The following TLE7 variants were observed in gnomAD, a reference collection of about 807,000 sequenced individuals.
TLE7 encodes transducin-like enhancer protein 7.
At chr16:71,439,943 AG>A (rs960095675) in intron 1 of TLE7, among the ~76,000 whole-genome samples, 23 of 152,246 alleles carry the variant, frequency 1.5e-4, no homozygotes, top group African/African-American at 4.1e-4. Flanking sequence ...GTAGCCAAAA[AG>A]AAACAACCCA....
intron 1 of TLE7, among the ~76,000 whole-genome samples, chr16:71,439,662 G>A (rs915933834): frequency 6.6e-6 from 1 of 152,210 alleles, no homozygotes; most frequent in Non-Finnish European, 1.5e-5. Flanking sequence ...AAAGCCACAT[G>A]TAATAGATCA....
At chr16:71,437,386 G>GGAGA (rs148458762) in intron 1 of TLE7, among the ~76,000 whole-genome samples, 9 of 148,674 alleles carry the variant, frequency 6.1e-5, no homozygotes, top group Admixed American at 4.0e-4. Flanking sequence ...AAGGGAGGGA[G>GGAGA]GAGAGAGAGA....
At chr16:71,435,729 G>C (rs907560846) in intron 1 of TLE7, among the ~76,000 whole-genome samples, 6 of 152,154 alleles carry the variant, frequency 3.9e-5, no homozygotes, top group African/African-American at 1.4e-4. Context: ...GTTGGATCTG[G>C]AGCCTTTCTC....
At chr16:71,437,336 G>A (rs1163345914) in intron 1 of TLE7, among the ~76,000 whole-genome samples, 9 of 131,840 alleles carry the variant, frequency 6.8e-5, no homozygotes, top group African/African-American at 2.6e-4. Flanking sequence ...GTGACAGAGT[G>A]AGACTCTGTC....
chr16:71,435,195 G>T (rs2042821623), intron 1 of TLE7, among the ~76,000 whole-genome samples: 2 of 152,236 alleles, frequency 1.3e-5, no homozygotes, highest in Admixed American at 1.3e-4. Context: ...GGCAGATCAT[G>T]AGGTCAGGAG....
intron 1 of TLE7, among the ~76,000 whole-genome samples, chr16:71,440,779 T>C (rs899302741): frequency 6.6e-6 from 1 of 152,178 alleles, no homozygotes; most frequent in African/African-American, 2.4e-5. Context: ...GATGGGGTCA[T>C]CTGGGCAGAA....
At position 71,432,194 on chromosome 16, in the gene TLE7, C is replaced by T. The variant is rs764466346; in HGVS notation, c.525G>A (p.Thr175=). Residue 175 remains threonine (T), a synonymous_variant, in exon 5 of 10, where the codon ACG becomes ACA. Coordinates refer to ENST00000561754, the MANE Select transcript of TLE7 (RefSeq NM_001367365.2). ...ATACCCTGATGTAGCCAGAGCCACA[C>T]GTGTACACGTGGTGGGTTGAGCCGC... ...AISGSTHHVY[T]CGSGYIRVWD... 10 of 400,746 alleles carry T rather than the reference C, an allele frequency of 2.5e-5. No homozygotes were observed. Among genetic ancestry groups the T allele is most frequent in the African/African-American group, 6.2e-5 (3 of 48,706 alleles). The allele number at this position is 400,746 out of a possible 1,614,324, so 24.8% of individuals were successfully genotyped here. A position where few individuals can be genotyped will look rare whatever the true frequency, so the allele number is the denominator to read the frequency against.
chr16:71,441,271 A>G (rs1031528974), intron 1 of TLE7, among the ~76,000 whole-genome samples: 1 of 152,236 alleles, frequency 6.6e-6, no homozygotes, highest in Non-Finnish European at 1.5e-5. Flanking sequence ...GTTGGTAGAG[A>G]CAAGGGTCTC....
chr16:71,439,320 A>G (rs2042838582), intron 1 of TLE7, among the ~76,000 whole-genome samples: 1 of 152,228 alleles, frequency 6.6e-6, no homozygotes, highest in South Asian at 2.1e-4. Context: ...GCAGGGTAGC[A>G]GAGAGCATAG....
intron 1 of TLE7, among the ~76,000 whole-genome samples, chr16:71,435,398 G>A (rs886655167): frequency 1.3e-5 from 2 of 152,032 alleles, no homozygotes; most frequent in African/African-American, 4.8e-5. Context: ...GTGGCAGAGT[G>A]AAACTCTGTC....
At chr16:71,440,063 C>T (rs2042841159) in intron 1 of TLE7, among the ~76,000 whole-genome samples, 1 of 152,156 alleles carries the variant, frequency 6.6e-6, no homozygotes, top group Non-Finnish European at 1.5e-5. Flanking sequence ...CATGGGTGAA[C>T]CTGAAAATAT....
intron 1 of TLE7, among the ~76,000 whole-genome samples, chr16:71,441,440 G>C (rs529002911): frequency 6.6e-6 from 1 of 152,342 alleles, no homozygotes; most frequent in East Asian, 1.9e-4. Flanking sequence ...GGCGCGGCGT[G>C]CGCGGCCGGG....
At chr16:71,440,292 T>A (rs912491404) in intron 1 of TLE7, among the ~76,000 whole-genome samples, 1 of 152,142 alleles carries the variant, frequency 6.6e-6, no homozygotes, top group African/African-American at 2.4e-5. Flanking sequence ...TTGTGCAACA[T>A]TGTGATGTAC....
chr16:71,431,510 T>C lies in TLE7; in HGVS notation c.904A>G (p.Ile302Val), dbSNP rs925983860. ...GSRCVDITGN[I>V]FWTGGEDTIL... is the part of the protein sequence containing the mutation. ...GTGTCTTCACCTCCTGTCCAGAATA[T>C]ATTGCCGGTGATGTCCACACATCGG... Residue 302 changes from isoleucine (I) to valine (V), a missense_variant, in exon 7 of 10, where the codon ATA becomes GTA. Physicochemically the swap from Ile to Val is conservative, Grantham distance 29. Coordinates refer to ENST00000561754, the MANE Select transcript of TLE7 (RefSeq NM_001367365.2). This position sits in a 1 kb window ranked among gnomAD's most constrained non-coding sequence, Gnocchi z 4.5. 5.2e-5 allele frequency: 21 copies of C among 400,714 alleles called. No individual in the cohort carries two copies. Among genetic ancestry groups the C allele is most frequent in the African/African-American group, 3.9e-4 (19 of 48,778 alleles). The allele number at this position is 400,714 out of a possible 1,614,324, so 24.8% of individuals were successfully genotyped here.
chr16:71,438,437 A>AG (rs1441470538), intron 1 of TLE7, among the ~76,000 whole-genome samples: 43 of 136,148 alleles, frequency 3.2e-4, no homozygotes, highest in African/African-American at 1.4e-3. Flanking sequence ...AAAAAAAAAA[A>AG]AAAAGAGAGA....
intron 4 of TLE7, 136 bp downstream of exon 4, chr16:71,432,529 G>A (rs2042810142): frequency 2.5e-6 from 1 of 397,754 alleles, no homozygotes; most frequent in South Asian, 1.4e-4. Flanking sequence ...GGGGAACAGG[G>A]AACATAGCTC....
chr16:71,436,826 ACT>A (rs1327756228), intron 1 of TLE7, among the ~76,000 whole-genome samples: 1 of 151,964 alleles, frequency 6.6e-6, no homozygotes, highest in Non-Finnish European at 1.5e-5. Flanking sequence ...ACTGAGGAAC[ACT>A]CTCTTTTTCG....
chr16:71,434,562 A>G (rs2042819123), intron 1 of TLE7, among the ~76,000 whole-genome samples: 1 of 152,146 alleles, frequency 6.6e-6, no homozygotes, highest in Non-Finnish European at 1.5e-5. Context: ...GGCCCAGGCT[A>G]CCTGTCCTTG....
chr16:71,440,812 C>T (rs886565319), intron 1 of TLE7, among the ~76,000 whole-genome samples: 1 of 152,182 alleles, frequency 6.6e-6, no homozygotes, highest in Non-Finnish European at 1.5e-5. Flanking sequence ...GCCTCCAGAT[C>T]TTTATTTGAG....
Sources: allele counts gnomAD v4.1 joint callset (sites outside exome capture counted in the v4.1 genomes callset), GRCh38; gene constraint gnomAD v4.1.1; non-coding constraint Gnocchi (gnomAD v3.1); transcripts MANE v1.5; gene names NCBI Gene and HGNC (gene_info 2026-07-23, HGNC 2026-07-21).